DCAF6: variants seen among roughly 807,000 people sequenced by gnomAD.
DCAF6 encodes DDB1 and CUL4 associated factor 6, also known as DDB1- and CUL4-associated factor 6.
DCAF6 carries 54 observed loss-of-function variants against 125.1 expected under a neutral mutation model. The observed-to-expected ratio is 0.43, with a 90% CI of 0.35 to 0.54. The LOEUF is 0.54. DCAF6 is among the 20% of genes least tolerant of loss of function. The probability of loss-of-function intolerance (pLI) is 0.01; values close to 1 mark genes in which losing one functional copy is unlikely to be tolerated. For missense variants in DCAF6, 934 were observed against 1,161.7 expected, an observed-to-expected ratio of 0.80 and a Z score of 2.85; for synonymous variants, 371 against 390.4, an observed-to-expected ratio of 0.95 and a Z score of 0.58.
At chr1:167,996,818 T>C (rs1681779527) in intron 7 of DCAF6, among the ~76,000 whole-genome samples, 1 of 152,222 alleles carries the variant, frequency 6.6e-6, no homozygotes, top group Admixed American at 6.5e-5. Context: ...CTTCCCTGGA[T>C]ACCTGGATTT....
At chr1:167,927,315 C>T in the DCAF6 span, among the ~76,000 whole-genome samples, 1 of 152,190 alleles carries the variant, frequency 6.6e-6, no homozygotes. Context: ...ATGCATTAAT[C>T]CTATAAGTCA....
chr1:167,937,168 G>T (rs1389699317), intron 1 of DCAF6, 160 bp downstream of exon 1: 3 of 640,958 alleles, frequency 4.7e-6, no homozygotes, highest in South Asian at 1.9e-5. Context: ...CCGTGCCGGT[G>T]CCTCCCCCAG....
At chr1:167,929,810 T>C in the DCAF6 span, among the ~76,000 whole-genome samples, 1 of 152,194 alleles carries the variant, frequency 6.6e-6, no homozygotes, top group Non-Finnish European at 1.5e-5. Context: ...AGGTATTCAC[T>C]ATATCCCTCT....
intron 17 of DCAF6, among the ~76,000 whole-genome samples, chr1:168,053,771 A>C (rs1035873134): frequency 2.6e-5 from 4 of 152,178 alleles, no homozygotes; most frequent in Non-Finnish European, 5.9e-5. Context: ...CCCAGAAGGA[A>C]AGTAGGTGTT....
intron 2 of DCAF6, among the ~76,000 whole-genome samples, chr1:167,964,312 G>C (rs979555808): frequency 9.2e-5 from 14 of 152,104 alleles, no homozygotes; most frequent in Admixed American, 8.5e-4. Flanking sequence ...ATAATTTTGC[G>C]GGGTACAGTA....
intron 5 of DCAF6, 26 bp from the exon 6 acceptor site, chr1:167,991,178 A>C (rs376255164): frequency 6.3e-7 from 1 of 1,587,400 alleles, no homozygotes; most frequent in Admixed American, 1.8e-5. Flanking sequence ...AACTATATGT[A>C]ATTGGTATTA....
chr1:168,009,538 C>T (rs1683987177), intron 10 of DCAF6, among the ~76,000 whole-genome samples: 1 of 149,050 alleles, frequency 6.7e-6, no homozygotes, highest in South Asian at 2.2e-4. Context: ...TCCCTTCTTT[C>T]CTTCTCCTCT....
At chr1:167,866,750 T>TAAA in the DCAF6 span, among the ~76,000 whole-genome samples, 5,192 of 123,002 alleles carry the variant, frequency 0.042, 341 homozygotes, top group East Asian at 0.25. Flanking sequence ...AAAGTTCACT[T>TAAA]AAAAAAAAAA....
the DCAF6 span, among the ~76,000 whole-genome samples, chr1:167,911,280 A>C: frequency 0.46 from 69,365 of 152,088 alleles, 18,044 homozygotes; most frequent in African/African-American, 0.71. Context: ...ATAGTAACTT[A>C]TCTTAAAAGC....
Position 167,951,871 on chromosome 1 carries a change from A to G in DCAF6, c.159+10A>G. 1 of 1,591,364 alleles carries G rather than the reference A, an allele frequency of 6.3e-7. No individual in the cohort carries two copies. Among genetic ancestry groups the G allele is most frequent in the Non-Finnish European group, 8.6e-7 (1 of 1,160,788 alleles). ...TGTGCATGATGGTTGTGTAAGTAAT[A>G]GTTAATTCTCAACTCTGAAGGGATT... On this transcript the variant is annotated intron_variant, in intron 2 of 21. Transcript: ENST00000367840.
the DCAF6 span, among the ~76,000 whole-genome samples, chr1:167,895,740 G>GA: frequency 3.3e-5 from 5 of 152,186 alleles, no homozygotes; most frequent in African/African-American, 1.2e-4. Context: ...AGGACCTTGA[G>GA]AGTGAGTGTC....
chr1:167,999,421 A>G (rs573347548), intron 7 of DCAF6, among the ~76,000 whole-genome samples: 15 of 152,300 alleles, frequency 9.8e-5, no homozygotes, highest in African/African-American at 3.6e-4. Flanking sequence ...ATGTCCTTCG[A>G]AGCTTTGAAG....
chr1:167,942,356 G>A (rs1345854098), intron 1 of DCAF6, among the ~76,000 whole-genome samples: 1 of 152,170 alleles, frequency 6.6e-6, no homozygotes, highest in Non-Finnish European at 1.5e-5. Flanking sequence ...GAGCCGCTGC[G>A]CCTGGCCTTT....
intron 4 of DCAF6, among the ~76,000 whole-genome samples, chr1:167,978,445 T>C (rs1338660276): frequency 1.3e-5 from 2 of 152,224 alleles, no homozygotes; most frequent in Admixed American, 1.3e-4. Flanking sequence ...TGCCTCTCTG[T>C]GCTGATACTA....
intron 2 of DCAF6, among the ~76,000 whole-genome samples, chr1:167,954,256 G>T (rs1674417317): frequency 6.6e-6 from 1 of 151,996 alleles, no homozygotes; most frequent in Admixed American, 6.5e-5. Context: ...TCCTCCCAAA[G>T]TGCTGGGATT....
the DCAF6 span, among the ~76,000 whole-genome samples, chr1:167,891,815 A>G: frequency 1.3e-5 from 2 of 152,306 alleles, no homozygotes; most frequent in East Asian, 3.9e-4. Context: ...TTCAACGACA[A>G]TGTGAAACAC....
At chr1:167,996,544 ATAGC>A (rs1482294114) in intron 7 of DCAF6, among the ~76,000 whole-genome samples, 1 of 152,196 alleles carries the variant, frequency 6.6e-6, no homozygotes, top group Non-Finnish European at 1.5e-5. Context: ...CTACAGCCCT[ATAGC>A]TATACAGCAT....
the DCAF6 span, among the ~76,000 whole-genome samples, chr1:167,865,117 C>T: frequency 2.0e-5 from 3 of 151,948 alleles, no homozygotes; most frequent in Non-Finnish European, 4.4e-5. Context: ...AGTAATAAGG[C>T]CTCCTGAGTA....
chr1:168,047,926 A>G (rs1268482150), intron 16 of DCAF6, among the ~76,000 whole-genome samples: 2 of 152,134 alleles, frequency 1.3e-5, no homozygotes, highest in South Asian at 2.1e-4. Flanking sequence ...AACAACTGTA[A>G]AAAAGTATAC....
Sources: allele counts gnomAD v4.1 joint callset (sites outside exome capture counted in the v4.1 genomes callset), GRCh38; gene constraint gnomAD v4.1.1; transcripts MANE v1.5; gene names NCBI Gene and HGNC (gene_info 2026-07-23, HGNC 2026-07-21).